Variants in ATRX observed in about 807,000 individuals in gnomAD.
ATRX encodes chromatin remodeler ATRX.
Under a neutral mutation model 172.6 loss-of-function variants are expected in ATRX, and 12 were observed. The observed-to-expected ratio is 0.07, with a 90% CI of 0.04 to 0.11. The LOEUF is 0.11. Ranked by LOEUF, ATRX falls within the 10% of genes least tolerant of loss-of-function variation. The probability of loss-of-function intolerance (pLI) is 1.00; values close to 1 mark genes in which losing one functional copy is unlikely to be tolerated. For missense variants in ATRX, 1,368 were observed against 1,767.4 expected, an observed-to-expected ratio of 0.77 and a Z score of 4.05; for synonymous variants, 674 against 594.7, an observed-to-expected ratio of 1.13 and a Z score of -1.94.
chrX:77,720,765 C>A (rs79162728), intron 1 of ATRX, among the ~76,000 whole-genome samples: 1 of 111,899 alleles, frequency 8.9e-6, no homozygotes, highest in Non-Finnish European at 1.9e-5. Context: ...GAGCTGGTAC[C>A]ATTCCTTCTG....
chrX:77,590,432 AATTCCGTCTC>A (rs1277132580), intron 26 of ATRX, among the ~76,000 whole-genome samples: 4 of 109,298 alleles, frequency 3.7e-5, no homozygotes, highest in Non-Finnish European at 7.6e-5. Flanking sequence ...AACACGGTGA[AATTCCGTCTC>A]TACTAAAAAT....
At chrX:77,617,773 G>C (rs1258971487) in intron 21 of ATRX, among the ~76,000 whole-genome samples, 1 of 110,920 alleles carries the variant, frequency 9.0e-6, no homozygotes, top group Admixed American at 9.6e-5. Context: ...CTGAAGTACA[G>C]TGGCATAATC....
chrX:77,728,412 T>C (rs1603282580), intron 1 of ATRX, among the ~76,000 whole-genome samples: 1 of 111,965 alleles, frequency 8.9e-6, no homozygotes, highest in African/African-American at 3.2e-5. Flanking sequence ...TAAATATGTT[T>C]GGTTAGCAAA....
intron 28 of ATRX, among the ~76,000 whole-genome samples, chrX:77,567,068 G>A (rs2065225925): frequency 2.7e-5 from 3 of 110,978 alleles, no homozygotes. Flanking sequence ...TAGGTATGAT[G>A]TAATACCTAC....
chrX:77,668,743 T>C (rs1209156028), intron 10 of ATRX, among the ~76,000 whole-genome samples: 4 of 107,287 alleles, frequency 3.7e-5, no homozygotes, highest in African/African-American at 6.9e-5. Context: ...CCAAAGTACA[T>C]AATGAACACC....
chrX:77,685,115 G>T, intron 7 of ATRX, 109 bp from the exon 8 acceptor site: 1 of 605,883 alleles, frequency 1.7e-6, no homozygotes, highest in Non-Finnish European at 2.7e-6. Context: ...AAAATCTCCA[G>T]GACACTGGTG....
intron 28 of ATRX, among the ~76,000 whole-genome samples, chrX:77,568,393 C>G (rs1224606749): frequency 4.5e-5 from 5 of 111,424 alleles, no homozygotes; most frequent in Non-Finnish European, 9.4e-5. Flanking sequence ...TGAACCAATT[C>G]TTACAAAAGC....
intron 25 of ATRX, chrX:77,595,525 A>C (rs1208206053): frequency 8.9e-6 from 1 of 111,942 alleles, no homozygotes; most frequent in Non-Finnish European, 1.9e-5. Context: ...GAAATAGATA[A>C]GCTTCCTTGT....
chrX:77,622,779 G>C lies in ATRX; in HGVS notation c.5135-2247C>G, dbSNP rs781906328. Among the ~76,000 whole-genome samples, 153 of 110,637 alleles carry C rather than the reference G, an allele frequency of 1.4e-3. 1 individual carries two copies. The highest frequency in any genetic ancestry group is 4.7e-3 in the South Asian group (12 of 2,566). On this transcript the variant is annotated intron_variant, in intron 19 of 34. Transcript: ENST00000373344. ...CACTCGGGGCTGTTTCGGCGCTGGA[G>C]GGGTAGGGGGTGCGGTACACCATGG...
rs782469945 is a variant in ATRX at position 77,639,136 on chromosome X, TC to T, written c.4558-3081del. On this transcript the variant is annotated intron_variant, in intron 15 of 34. Transcript: ENST00000373344. ...CATCTGATATAAACACCCTGCATAA[TC>T]CCCTCACCTTCTGAGTATGGTTGAG... Among the ~76,000 whole-genome samples, 439 of 111,863 alleles carry T rather than the reference TC, an allele frequency of 3.9e-3. 1 individual carries two copies. Among genetic ancestry groups the T allele is most frequent in the African/African-American group, 0.014 (427 of 30,877 alleles).
At position 77,729,124 on chromosome X, in the gene ATRX, C is replaced by CAA. The variant is rs782218800; in HGVS notation, c.21-11883_21-11882dup. Among the ~76,000 whole-genome samples, 220 of 32,153 alleles carry CAA rather than the reference C, an allele frequency of 6.8e-3. 1 individual carries two copies. Among genetic ancestry groups the CAA allele is most frequent in the African/African-American group, 0.017 (196 of 11,202 alleles). The allele number at this position is 32,153 out of a possible 115,157, so 27.9% of individuals were successfully genotyped here. On this transcript the variant is annotated intron_variant, in intron 1 of 34. Transcript: ENST00000373344. Reference sequence around the variant, plus strand: ...GTTATCTGCCAGATGCTCACAAAAGCAAAAAAAAAAAAAAAAAACTGTAAT... The same window carrying CAA: ...GTTATCTGCCAGATGCTCACAAAAGCAAAAAAAAAAAAAAAAAAAACTGTAAT...
intron 7 of ATRX, among the ~76,000 whole-genome samples, chrX:77,685,338 T>A (rs1397574536): frequency 8.9e-6 from 1 of 111,951 alleles, no homozygotes; most frequent in Non-Finnish European, 1.9e-5. Context: ...AACAATTCTA[T>A]AGGAAAAAAT....
chrX:77,743,211 T>A (rs1015170723), intron 1 of ATRX, among the ~76,000 whole-genome samples: 14 of 110,495 alleles, frequency 1.3e-4, no homozygotes, highest in Middle Eastern at 9.2e-3. Flanking sequence ...AACTGCAGAG[T>A]TCTGACTGAA....
At chrX:77,512,518 C>T (rs148399523) in intron 34 of ATRX, among the ~76,000 whole-genome samples, 26 of 112,578 alleles carry the variant, frequency 2.3e-4, no homozygotes, top group Admixed American at 2.2e-3. Context: ...ACATTATTTG[C>T]AAGCCTCATG....
chrX:77,613,316 G>A (rs1050273477), intron 22 of ATRX, among the ~76,000 whole-genome samples: 3 of 107,749 alleles, frequency 2.8e-5, no homozygotes, highest in Non-Finnish European at 5.8e-5. Context: ...CTCACTGTAC[G>A]TTTGATTTGC....
chrX:77,772,467 CAAAAAAAAA>C (rs782408268), intron 1 of ATRX, among the ~76,000 whole-genome samples: 1 of 39,855 alleles, frequency 2.5e-5, no homozygotes, highest in Non-Finnish European at 4.7e-5. Flanking sequence ...TCCCTTCTCT[CAAAAAAAAA>C]AAAAAAAAAG....
intron 27 of ATRX, among the ~76,000 whole-genome samples, chrX:77,582,587 T>G (rs1045273284): frequency 1.8e-5 from 2 of 109,099 alleles, no homozygotes; most frequent in Non-Finnish European, 3.8e-5. Context: ...TAAACAAAAC[T>G]GACAAACTTT....
chrX:77,536,866 C>CA (rs1376496786), intron 30 of ATRX, among the ~76,000 whole-genome samples: 1 of 111,234 alleles, frequency 9.0e-6, no homozygotes, highest in Non-Finnish European at 1.9e-5. Flanking sequence ...CACGTGCACA[C>CA]ACACCAAAAA....
chrX:77,638,003 A>G (rs1358354454), intron 15 of ATRX, among the ~76,000 whole-genome samples: 2 of 110,719 alleles, frequency 1.8e-5, no homozygotes, highest in African/African-American at 6.5e-5. Flanking sequence ...TAAAAAACAA[A>G]AATTACAATG....
Sources: gnomAD v4.1 joint callset for allele counts (sites outside exome capture counted in the v4.1 genomes callset) on GRCh38, gnomAD v4.1.1 for gene constraint, MANE v1.5 for transcripts, NCBI Gene and HGNC (gene_info 2026-07-23, HGNC 2026-07-21) for gene names.